PPARG: variants seen among roughly 807,000 people sequenced by gnomAD.
PPARG encodes peroxisome proliferator-activated receptor gamma.
Under a neutral mutation model 39.2 loss-of-function variants are expected in PPARG, and 17 were observed. The ratio of observed to expected loss-of-function variants is 0.43; its 90% CI spans 0.30 to 0.65. The LOEUF (loss-of-function observed/expected upper bound fraction) is 0.65. PPARG is among the 30% of genes least tolerant of loss of function. The pLI is 0.13. For missense variants in PPARG, 406 were observed against 585.9 expected, an observed-to-expected ratio of 0.69 and a Z score of 3.17; for synonymous variants, 223 against 215.7, an observed-to-expected ratio of 1.03 and a Z score of -0.30.
intron 2 of PPARG, among the ~76,000 whole-genome samples, chr3:12,352,179 G>A (rs1328153584): frequency 1.3e-5 from 2 of 152,166 alleles, no homozygotes; most frequent in Non-Finnish European, 2.9e-5. Context: ...CCAAAGAATT[G>A]TAAATTCCCA....
intron 2 of PPARG, among the ~76,000 whole-genome samples, chr3:12,362,412 G>A (rs1384670525): frequency 6.6e-6 from 1 of 152,052 alleles, no homozygotes; most frequent in African/African-American, 2.4e-5. Flanking sequence ...CCAGCTACTT[G>A]GGAGGCTGAG....
intron 2 of PPARG, chr3:12,372,005 C>T (rs2049233236): frequency 1.4e-6 from 1 of 716,896 alleles, no homozygotes; most frequent in Non-Finnish European, 2.6e-6. Context: ...TTATGAGTAC[C>T]ATGACATTAA....
intron 2 of PPARG, among the ~76,000 whole-genome samples, chr3:12,362,191 A>C (rs1166352403): frequency 6.6e-6 from 1 of 152,158 alleles, no homozygotes; most frequent in East Asian, 1.9e-4. Flanking sequence ...AAATTATTTT[A>C]TTAACTATAA....
chr3:12,339,582 T>C (rs1392207159), intron 2 of PPARG, among the ~76,000 whole-genome samples: 1 of 152,182 alleles, frequency 6.6e-6, no homozygotes, highest in Non-Finnish European at 1.5e-5. Flanking sequence ...AAGACACAGC[T>C]GAAAAAATAC....
At chr3:12,354,358 A>G (rs2048586157) in intron 2 of PPARG, among the ~76,000 whole-genome samples, 1 of 152,184 alleles carries the variant, frequency 6.6e-6, no homozygotes, top group African/African-American at 2.4e-5. Flanking sequence ...AAATGACACA[A>G]TACTTGTGCA....
At position 12,371,850 on chromosome 3, in the gene PPARG, G is replaced by A. The variant is rs1210156101; in HGVS notation, c.-8-7854G>A. The stretch of plus-strand genomic sequence containing the variant: ...TCTCAAAACAGCCTTTTCTGCTGTA[G>A]TGTTTCAGGATGATTCTTGTCTCTG... On this transcript the variant is annotated intron_variant, in intron 2 of 7. Coordinates refer to ENST00000651735, the MANE Select transcript of PPARG (RefSeq NM_138711.6). 1.2e-5 allele frequency: 8 copies of A among 686,064 alleles called. No individual in the cohort carries two copies. In the East Asian group the frequency reaches 1.9e-4, roughly 17 times the overall value. The allele number at this position is 686,064 out of a possible 1,614,324, so 42.5% of individuals were successfully genotyped here. A position where few individuals can be genotyped will look rare whatever the true frequency, so the allele number is the denominator to read the frequency against.
intron 2 of PPARG, among the ~76,000 whole-genome samples, chr3:12,331,307 A>G (rs1559496418): frequency 6.6e-6 from 1 of 152,314 alleles, no homozygotes; most frequent in East Asian, 1.9e-4. Context: ...GGTGGTTTTT[A>G]TGCCGATAGT....
chr3:12,351,681 T>C, intron 2 of PPARG: 1 of 1,597,812 alleles, frequency 6.3e-7, no homozygotes, highest in Non-Finnish European at 8.6e-7. Flanking sequence ...CAAGGTAAAG[T>C]TCCTTCCAGA....
intron 5 of PPARG, 112 bp from the exon 6 acceptor site, chr3:12,405,770 C>A (rs1318610651): frequency 9.6e-7 from 1 of 1,044,194 alleles, no homozygotes; most frequent in Non-Finnish European, 1.5e-6. Context: ...GACTCAAGAG[C>A]AGTGGAGGAG....
At chr3:12,369,156 A>G (rs1453238926) in intron 2 of PPARG, among the ~76,000 whole-genome samples, 1 of 152,174 alleles carries the variant, frequency 6.6e-6, no homozygotes. Context: ...CCTCTTTCAC[A>G]TATTTCTTCT....
chr3:12,417,846 A>C (rs1050089486), intron 7 of PPARG, among the ~76,000 whole-genome samples: 1 of 148,658 alleles, frequency 6.7e-6, no homozygotes. Flanking sequence ...CAATTCCAAA[A>C]GCCAGATTTT....
At chr3:12,379,598 T>G in intron 2 of PPARG, 106 bp from the exon 3 acceptor site, 9 of 1,014,050 alleles carry the variant, frequency 8.9e-6, no homozygotes, top group South Asian at 1.3e-5. Context: ...AGCGCCCAGA[T>G]GAGATTACTT....
At chr3:12,293,567 T>A (rs1478669424) in intron 1 of PPARG, among the ~76,000 whole-genome samples, 1 of 152,202 alleles carries the variant, frequency 6.6e-6, no homozygotes, top group Non-Finnish European at 1.5e-5. Flanking sequence ...GGTCTGTATA[T>A]GCTCAACTCC....
intron 3 of PPARG, 46 bp from the exon 4 acceptor site, chr3:12,381,276 A>G (rs373443494): frequency 3.5e-5 from 55 of 1,593,986 alleles, no homozygotes; most frequent in Non-Finnish European, 4.2e-5. Context: ...CCTTTTTAGG[A>G]CTGTTTTCAT....
chr3:12,397,179 A>T (rs561836608), intron 5 of PPARG, among the ~76,000 whole-genome samples: 142 of 151,724 alleles, frequency 9.4e-4, no homozygotes, highest in Admixed American at 2.1e-3. Context: ...GTAATTTTTT[A>T]AAAAAAACTG....
At chr3:12,342,865 A>AG (rs763252842) in intron 2 of PPARG, among the ~76,000 whole-genome samples, 22 of 152,248 alleles carry the variant, frequency 1.4e-4, no homozygotes, top group Admixed American at 5.2e-4. Flanking sequence ...CTTTCCTTCA[A>AG]GGAAAATGAA....
chr3:12,396,773 A>AG (rs2050279333), intron 5 of PPARG, among the ~76,000 whole-genome samples: 1 of 152,002 alleles, frequency 6.6e-6, no homozygotes, highest in Non-Finnish European at 1.5e-5. Flanking sequence ...AAAAAAAAAA[A>AG]AAAGAATTGT....
chr3:12,289,764 A>G (rs2046603622), intron 1 of PPARG, among the ~76,000 whole-genome samples: 1 of 152,180 alleles, frequency 6.6e-6, no homozygotes, highest in African/African-American at 2.4e-5. Context: ...TTAAAGAAAT[A>G]CCTTTCACTC....
chr3:12,289,144 C>T lies in PPARG; in HGVS notation c.-83+10C>T, dbSNP rs2046585144. On this transcript the variant is annotated intron_variant, in intron 1 of 7. Coordinates refer to ENST00000651735, the MANE Select transcript of PPARG (RefSeq NM_138711.6). ...AATTCCCTTTCCTTAGGTGAGTTGG[C>T]TCACTCTCATTGCATTTTGTTGGAA... 6.6e-6 allele frequency: 1 copy of T among 152,218 alleles called. No individual in the cohort carries two copies. The highest frequency in any genetic ancestry group is 1.5e-5 in the Non-Finnish European group (1 of 68,044). 9.4% of individuals were successfully genotyped at this position (152,218 alleles called of 1,614,324 possible). A position where few individuals can be genotyped will look rare whatever the true frequency, so the allele number is the denominator to read the frequency against.
Sources: allele counts gnomAD v4.1 joint callset (sites outside exome capture counted in the v4.1 genomes callset), GRCh38; gene constraint gnomAD v4.1.1; transcripts MANE v1.5; gene names NCBI Gene and HGNC (gene_info 2026-07-23, HGNC 2026-07-21).